SPAG16: variants seen among roughly 807,000 people sequenced by gnomAD.
SPAG16 encodes the protein sperm associated antigen 16.
SPAG16 carries 86 observed loss-of-function variants against 80.4 expected under a neutral mutation model. The observed-to-expected ratio is 1.07, with a 90% CI of 0.90 to 1.28. The LOEUF is 1.28. SPAG16 is among the 50% of genes most tolerant of loss of function. The pLI, the probability that SPAG16 is intolerant of heterozygous loss-of-function variation, is 0.00. For missense variants in SPAG16, 870 were observed against 765.3 expected (o/e 1.14, Z -1.61); for synonymous variants, 294 against 265.9 (o/e 1.11, Z -1.03).
chr2:213,673,353 A>G (rs537403100), intron 10 of SPAG16, among the ~76,000 whole-genome samples: 3 of 152,324 alleles, frequency 2.0e-5, no homozygotes, highest in East Asian at 1.9e-4. Flanking sequence ...TAATGTTACT[A>G]TAGGCAGAGA....
intron 10 of SPAG16, among the ~76,000 whole-genome samples, chr2:213,722,888 T>C (rs2066593882): frequency 6.6e-6 from 1 of 152,128 alleles, no homozygotes; most frequent in Non-Finnish European, 1.5e-5. Context: ...GCTTAGGATT[T>C]GATTTTTATT....
At chr2:214,221,206 C>A (rs2058558004) in intron 15 of SPAG16, among the ~76,000 whole-genome samples, 1 of 152,132 alleles carries the variant, frequency 6.6e-6, no homozygotes, top group Non-Finnish European at 1.5e-5. Context: ...AAGTTTTTCA[C>A]TCTCACAGTA....
chr2:213,656,439 G>A (rs956405837), intron 10 of SPAG16, among the ~76,000 whole-genome samples: 5 of 152,314 alleles, frequency 3.3e-5, no homozygotes, highest in Middle Eastern at 3.4e-3. Context: ...GATTACAGGC[G>A]TGAGCCACCG....
chr2:213,874,722 T>G (rs2106000475), intron 11 of SPAG16, among the ~76,000 whole-genome samples: 1 of 152,258 alleles, frequency 6.6e-6, no homozygotes, highest in Admixed American at 6.5e-5. Flanking sequence ...AGTCCATCAC[T>G]GACTGCAATG....
rs889687875 is a variant in SPAG16 at position 214,009,657 on chromosome 2, C to T, written c.1401-4294C>T. 3.3e-5 allele frequency among the ~76,000 whole-genome samples: 5 copies of T among 152,102 alleles called. No individual in the cohort carries two copies. The East Asian group carries it at 5.8e-4, about 18-fold the overall frequency. On this transcript the variant is annotated intron_variant, in intron 12 of 15. Coordinates refer to ENST00000331683, the MANE Select transcript of SPAG16 (RefSeq NM_024532.5). ...AGTTAAAATAGAGCCTGTGATGCTA[C>T]GGGTATTGCAACATACTACATACAT... is the stretch of plus-strand genomic sequence containing the variant.
At chr2:213,654,548 A>T (rs1013737289) in intron 10 of SPAG16, among the ~76,000 whole-genome samples, 1 of 130,898 alleles carries the variant, frequency 7.6e-6, no homozygotes, top group African/African-American at 4.0e-5. Context: ...TACAAAAAAA[A>T]AAAAAAAAAA....
At chr2:213,686,039 T>A (rs925554827) in intron 10 of SPAG16, among the ~76,000 whole-genome samples, 3 of 152,230 alleles carry the variant, frequency 2.0e-5, no homozygotes, top group African/African-American at 7.2e-5. Flanking sequence ...TCAAGATAGT[T>A]AACATCCAAT....
At chr2:213,289,243 A>G (rs1300027777) in intron 1 of SPAG16, among the ~76,000 whole-genome samples, 1 of 152,218 alleles carries the variant, frequency 6.6e-6, no homozygotes, top group African/African-American at 2.4e-5. Flanking sequence ...ATATTTTCAG[A>G]TAGAAATATC....
rs575656032 is a variant in SPAG16, at chr2:213,580,381, C to G, written c.1070+90291C>G. Among the ~76,000 whole-genome samples, 16 of 152,170 alleles carry G rather than the reference C, an allele frequency of 1.1e-4. No individual in the cohort carries two copies. The South Asian group carries it at 3.1e-3, about 30-fold the overall frequency. On this transcript the variant is annotated intron_variant, in intron 10 of 15. Coordinates refer to ENST00000331683, the MANE Select transcript of SPAG16 (RefSeq NM_024532.5). The stretch of plus-strand genomic sequence containing the variant: ...GTCATGTAAAACTTAAATTTGTATG[C>G]TTTTATCTTGATAATTTGTCTTTTG...
At chr2:213,321,120 A>G (rs1231165369) in intron 5 of SPAG16, among the ~76,000 whole-genome samples, 1 of 152,110 alleles carries the variant, frequency 6.6e-6, no homozygotes, top group Non-Finnish European at 1.5e-5. Flanking sequence ...GCAAAATAAA[A>G]TAGATATCAA....
intron 10 of SPAG16, among the ~76,000 whole-genome samples, chr2:213,813,454 C>T (rs188790369): frequency 1.4e-3 from 213 of 152,174 alleles, no homozygotes; most frequent in Non-Finnish European, 2.5e-3. Context: ...GGAGGGCAGG[C>T]GGGAGACCAC....
chr2:213,586,559 A>G (rs923843112), intron 10 of SPAG16, among the ~76,000 whole-genome samples: 2 of 152,226 alleles, frequency 1.3e-5, no homozygotes, highest in African/African-American at 4.8e-5. Context: ...TGTTCTTCTT[A>G]CATGCAAAAT....
At chr2:213,810,824 G>A (rs1335660430) in intron 10 of SPAG16, among the ~76,000 whole-genome samples, 2 of 152,166 alleles carry the variant, frequency 1.3e-5, no homozygotes, top group African/African-American at 4.8e-5. Flanking sequence ...AGGGTCTCAG[G>A]TAATATCTGG....
chr2:213,400,742 A>C (rs917199530), intron 9 of SPAG16, among the ~76,000 whole-genome samples: 2 of 152,172 alleles, frequency 1.3e-5, no homozygotes, highest in Non-Finnish European at 2.9e-5. Flanking sequence ...ATTACCTTTC[A>C]GAAATATTTA....
At position 213,756,318 on chromosome 2, in the gene SPAG16, A is replaced by AAAAT. The variant is rs1252245004; in HGVS notation, c.1071-106151_1071-106148dup. Among the ~76,000 whole-genome samples the AAAAT allele has an allele frequency of 2.6e-5, 4 of 152,234 alleles. No homozygotes were observed. In the South Asian group the frequency reaches 6.2e-4, roughly 24 times the overall value. ...CAACGTGGTAAAACCCCGTCTCAAA[A>AAAAT]AAATAAATAAATAAATAAAAATTAG... On this transcript the variant is annotated intron_variant, in intron 10 of 15. Transcript: ENST00000331683.
At chr2:213,512,341 A>G (rs2075262500) in intron 10 of SPAG16, among the ~76,000 whole-genome samples, 2 of 152,324 alleles carry the variant, frequency 1.3e-5, no homozygotes, top group African/African-American at 4.8e-5. Context: ...ATCAGTTGTC[A>G]TATCGTATTG....
At chr2:213,686,830 C>T (rs540037745) in intron 10 of SPAG16, among the ~76,000 whole-genome samples, 7 of 151,580 alleles carry the variant, frequency 4.6e-5, no homozygotes, top group Non-Finnish European at 7.4e-5. Flanking sequence ...ACAACAGGCG[C>T]GTGCCACCAC....
chr2:213,388,049 A>C (rs766857374), intron 9 of SPAG16, among the ~76,000 whole-genome samples: 59 of 152,322 alleles, frequency 3.9e-4, no homozygotes, highest in African/African-American at 1.3e-3. Flanking sequence ...CAATGTCCAC[A>C]GGAAGGATTG....
At chr2:213,373,806 G>A (rs4672679) in intron 8 of SPAG16, among the ~76,000 whole-genome samples, 105,694 of 152,106 alleles carry the variant, frequency 0.69, 37,529 homozygotes, top group East Asian at 1. Flanking sequence ...TTGTACCTAT[G>A]AGTTGTTTAG....
Sources: gnomAD v4.1 joint callset for allele counts (sites outside exome capture counted in the v4.1 genomes callset) on GRCh38, gnomAD v4.1.1 for gene constraint, MANE v1.5 for transcripts, NCBI Gene and HGNC (gene_info 2026-07-23, HGNC 2026-07-21) for gene names.